The following CCNB3 variants were observed in gnomAD, a reference collection of about 807,000 sequenced individuals.
CCNB3 encodes cyclin B3.
CCNB3 carries 12 observed loss-of-function variants against 68.0 expected under a neutral mutation model. That is an observed-to-expected ratio of 0.18 (90% CI 0.11 to 0.29). CCNB3 has a LOEUF of 0.29. Among genes scored for constraint, CCNB3 ranks in the 10% least tolerant of loss-of-function variants. CCNB3 has a pLI of 1.00. For synonymous variants in CCNB3, 354 were observed against 388.9 expected (o/e 0.91, Z 1.06); for missense variants, 904 against 993.1 (o/e 0.91, Z 1.21).
chrX:50,297,542 A>AT (rs1442818241), intron 5 of CCNB3, among the ~76,000 whole-genome samples: 1 of 112,140 alleles, frequency 8.9e-6, no homozygotes, highest in African/African-American at 3.2e-5. Context: ...GCCTTGTAGT[A>AT]TAGTTTGAAG....
chrX:50,302,146 C>T (rs1557212783), intron 5 of CCNB3, among the ~76,000 whole-genome samples: 1 of 112,312 alleles, frequency 8.9e-6, no homozygotes, highest in Non-Finnish European at 1.9e-5. Flanking sequence ...CTGTCCTGCA[C>T]CCACTGTCTG....
intron 8 of CCNB3, among the ~76,000 whole-genome samples, chrX:50,340,119 A>G (rs1557219340): frequency 1.8e-5 from 2 of 111,899 alleles, no homozygotes; most frequent in Non-Finnish European, 3.8e-5. Flanking sequence ...ATATTTGACC[A>G]TCTTCGGATA....
At chrX:50,308,079 A>C (rs1371067737) in intron 5 of CCNB3, among the ~76,000 whole-genome samples, 4 of 112,198 alleles carry the variant, frequency 3.6e-5, no homozygotes, top group Non-Finnish European at 5.6e-5. Context: ...TTACCAGCCC[A>C]TCTCTCTCAT....
intron 1 of CCNB3, among the ~76,000 whole-genome samples, chrX:50,227,289 T>TGTACAGAATATATATAAATATAC (rs1935885292): frequency 1.2e-5 from 1 of 84,133 alleles, no homozygotes; most frequent in East Asian, 3.4e-4. Context: ...TATAAATACA[T>TGTACAGAATATATATAAATATAC]GTACAGAATA....
chrX:50,300,331 G>A (rs1364170307), intron 5 of CCNB3, among the ~76,000 whole-genome samples: 1 of 111,098 alleles, frequency 9.0e-6, no homozygotes. Context: ...CAGGCCTGGT[G>A]GTGACAAAAT....
At chrX:50,227,302 TATAA>T (rs1371467798) in intron 1 of CCNB3, among the ~76,000 whole-genome samples, 38 of 85,197 alleles carry the variant, frequency 4.5e-4, no homozygotes, top group African/African-American at 1.6e-3. Flanking sequence ...ACAGAATATA[TATAA>T]ATATACATAC....
rs139596155 is a variant in CCNB3, at chrX:50,342,068, C to G, written c.3517-134C>G. On this transcript the variant is annotated intron_variant, in intron 8 of 12. Transcript: ENST00000376042. ...CACAGGAACCTAGCTGAAGCAGTTT[C>G]TGTATTCGTAGCAGAGTCCCAGCTA... 2.0e-5 allele frequency: 14 copies of G among 691,973 alleles called. No individual in the cohort carries two copies. In the African/African-American group the frequency reaches 2.8e-4, roughly 14 times the overall value. 57.0% of individuals were successfully genotyped at this position (691,973 alleles called of 1,213,427 possible). A position where few individuals can be genotyped will look rare whatever the true frequency, so the allele number is the denominator to read the frequency against.
intron 1 of CCNB3, among the ~76,000 whole-genome samples, chrX:50,226,348 T>A (rs1320975753): frequency 1.6e-5 from 1 of 64,240 alleles, no homozygotes; most frequent in Non-Finnish European, 2.6e-5. Flanking sequence ...ATAGAATATA[T>A]ATAAAAATAT....
At chrX:50,226,855 TATATATAGA>T (rs1336024291) in intron 1 of CCNB3, among the ~76,000 whole-genome samples, 1 of 74,929 alleles carries the variant, frequency 1.3e-5, no homozygotes, top group Non-Finnish European at 2.3e-5. Context: ...ATATATAGAA[TATATATAGA>T]ATATATAGAA....
chrX:50,220,297 A>G (rs1935647022), intron 1 of CCNB3, among the ~76,000 whole-genome samples: 1 of 111,621 alleles, frequency 9.0e-6, no homozygotes, highest in African/African-American at 3.3e-5. Context: ...AGAACTTCCA[A>G]TACTATGCTG....
chrX:50,329,723 G>T (rs1922495810), intron 8 of CCNB3, among the ~76,000 whole-genome samples: 1 of 112,424 alleles, frequency 8.9e-6, no homozygotes, highest in Admixed American at 9.4e-5. Context: ...GCCAGTGGTT[G>T]TTCCTAAGCC....
chrX:50,217,685 T>A lies in CCNB3; in HGVS notation c.-113+12735T>A, dbSNP rs1045024621. Among the ~76,000 whole-genome samples the A allele has an allele frequency of 8.8e-4, 99 of 112,141 alleles. 1 individual carries two copies. Among genetic ancestry groups the A allele is most frequent in the African/African-American group, 3.1e-3 (97 of 30,920 alleles). On this transcript the variant is annotated intron_variant, in intron 1 of 12. Coordinates refer to ENST00000376042, the MANE Select transcript of CCNB3 (RefSeq NM_033031.3). ...TGTCATCTTCTTCTGGGCTGCACAG[T>A]TTCTGATGAGAAATCTACTGTTATT...
At chrX:50,347,306 C>T (rs782399190) in intron 10 of CCNB3, among the ~76,000 whole-genome samples, 1 of 110,147 alleles carries the variant, frequency 9.1e-6, no homozygotes, top group Non-Finnish European at 1.9e-5. Context: ...GGACCAGGAA[C>T]AGAGTCACGG....
chrX:50,317,710 C>T (rs782399984), intron 8 of CCNB3, among the ~76,000 whole-genome samples: 6 of 110,083 alleles, frequency 5.5e-5, no homozygotes, highest in Non-Finnish European at 9.5e-5. Flanking sequence ...ACTGGAATTA[C>T]AGGTGCCCGC....
intron 1 of CCNB3, among the ~76,000 whole-genome samples, chrX:50,228,451 AATAT>A (rs1935969104): frequency 1.1e-5 from 1 of 92,432 alleles, no homozygotes; most frequent in South Asian, 4.8e-4. Context: ...AGCTATATAG[AATAT>A]ATATAGAGGA....
intron 5 of CCNB3, among the ~76,000 whole-genome samples, chrX:50,304,976 A>C (rs1936730881): frequency 8.9e-6 from 1 of 111,801 alleles, no homozygotes; most frequent in African/African-American, 3.3e-5. Flanking sequence ...CACCAGTTAG[A>C]ATGGCGATCA....
chrX:50,309,819 G>A lies in CCNB3; in HGVS notation c.1650G>A (p.Leu550=). 1.7e-6 allele frequency: 2 copies of A among 1,208,231 alleles called. No homozygotes were observed. Among genetic ancestry groups the A allele is most frequent in the Non-Finnish European group, 2.2e-6 (2 of 892,554 alleles). ...QEMMSICPEL[L]DFQDMIGEDK... ...TGATGTCCATCTGTCCAGAACTGTT[G>A]GACTTTCAGGATATGATTGGTGAAG... Residue 550 remains leucine, a synonymous_variant, in exon 6 of 13, where the codon TTG becomes TTA. Coordinates refer to ENST00000376042, the MANE Select transcript of CCNB3 (RefSeq NM_033031.3).
chrX:50,315,304 C>T (rs1334802289), intron 8 of CCNB3, among the ~76,000 whole-genome samples: 1 of 111,658 alleles, frequency 9.0e-6, no homozygotes, highest in African/African-American at 3.3e-5. Flanking sequence ...TAGAAAATAC[C>T]ATATTGTTTT....
intron 1 of CCNB3, among the ~76,000 whole-genome samples, chrX:50,227,730 A>T (rs1449337501): frequency 1.9e-5 from 1 of 52,837 alleles, no homozygotes; most frequent in African/African-American, 7.7e-5. Flanking sequence ...ATAGAGAGAT[A>T]ATATATATAA....
Sources: gnomAD v4.1 joint callset for allele counts (sites outside exome capture counted in the v4.1 genomes callset) on GRCh38, gnomAD v4.1.1 for gene constraint, MANE v1.5 for transcripts, NCBI Gene and HGNC (gene_info 2026-07-23, HGNC 2026-07-21) for gene names.